Variants in LRRC9 observed in about 807,000 individuals in gnomAD.
The protein encoded by LRRC9 is leucine rich repeat containing 9.
Under a neutral mutation model 63.2 loss-of-function variants are expected in LRRC9, and 122 were observed. The ratio of observed to expected loss-of-function variants is 1.93; its 90% CI spans 1.67 to 2.24. The LOEUF is 2.24. Ranked by LOEUF, LRRC9 falls within the 30% of genes most tolerant of loss-of-function variation. The pLI is 0.00. For missense variants in LRRC9, 1,071 were observed against 627.7 expected, an observed-to-expected ratio of 1.71 and a Z score of -7.55; for synonymous variants, 366 against 213.1, an observed-to-expected ratio of 1.72 and a Z score of -6.25.
chr14:60,001,955 A>T lies in LRRC9; in HGVS notation c.2530-11A>T. 1.6e-6 allele frequency: 1 copy of T among 635,252 alleles called. No individual in the cohort carries two copies. The highest frequency in any genetic ancestry group is 2.8e-6 in the Non-Finnish European group (1 of 355,694). The allele number at this position is 635,252 out of a possible 1,614,324, so 39.4% of individuals were successfully genotyped here. On this transcript the variant is annotated splice_polypyrimidine_tract_variant and intron_variant, in intron 19 of 31. Transcript: ENST00000445360. Reference sequence around the variant, plus strand: ...TTTCCTTTTTTCACTGTATTTTTTAAATTTTATTAGTTATCTCTCTTACGG... The same window carrying T: ...TTTCCTTTTTTCACTGTATTTTTTATATTTTATTAGTTATCTCTCTTACGG...
chr14:60,049,941 G>A (rs1350362682), intron 29 of LRRC9, among the ~76,000 whole-genome samples: 1 of 152,060 alleles, frequency 6.6e-6, no homozygotes, highest in Admixed American at 6.6e-5. Context: ...TTTCTGGGAG[G>A]TTTTGTTCAT....
chr14:59,937,629 G>A (rs1180882139), intron 6 of LRRC9, among the ~76,000 whole-genome samples: 5 of 152,098 alleles, frequency 3.3e-5, no homozygotes, highest in Non-Finnish European at 5.9e-5. Context: ...GGTTCAATAT[G>A]GCTAAATCAT....
chr14:59,977,300 A>G (rs1047917910), exon 14 of LRRC9: 4 of 700,574 alleles, frequency 5.7e-6, no homozygotes, highest in Non-Finnish European at 1.0e-5. Context: ...AGTCAATCCA[A>G]CTATCCAATG....
intron 1 of LRRC9, among the ~76,000 whole-genome samples, chr14:59,924,296 A>G (rs1889022604): frequency 6.6e-6 from 1 of 152,168 alleles, no homozygotes; most frequent in African/African-American, 2.4e-5. Context: ...TGCACTATTC[A>G]AATAAACCTG....
At position 59,990,723 on chromosome 14, in the gene LRRC9, A is replaced by G. The variant is rs1053873696; in HGVS notation, c.2211+5499A>G. Among the ~76,000 whole-genome samples, 2 of 152,236 alleles carry G rather than the reference A, an allele frequency of 1.3e-5. No individual in the cohort carries two copies. The highest frequency in any genetic ancestry group is 2.9e-5 in the Non-Finnish European group (2 of 68,006). ...GTACCAGGCCCCTTCAGACCTTTTT[A>G]CTGTGGATCCCATGAACTCATCTGG... On this transcript the variant is annotated intron_variant, in intron 17 of 31. Coordinates refer to ENST00000445360, the Ensembl canonical transcript of LRRC9. The surrounding 1 kb of genome is among the most constrained non-coding windows in gnomAD (Gnocchi z 4.2).
chr14:59,936,082 A>G lies in LRRC9; in HGVS notation c.544-2308A>G, dbSNP rs1890114760. On this transcript the variant is annotated intron_variant, in intron 6 of 31. Coordinates refer to ENST00000445360, the Ensembl canonical transcript of LRRC9. This position sits in a 1 kb window ranked among gnomAD's most constrained non-coding sequence, Gnocchi z 4.2. Reference sequence around the variant, plus strand: ...TGGAACATGAAGTTTTGGTGAAATAACAATGTAAAGTACCTAAATAGTGAC... The same window carrying G: ...TGGAACATGAAGTTTTGGTGAAATAGCAATGTAAAGTACCTAAATAGTGAC... Among the ~76,000 whole-genome samples, 1 of 152,188 alleles carries G rather than the reference A, an allele frequency of 6.6e-6. No homozygotes were observed.
intron 29 of LRRC9, among the ~76,000 whole-genome samples, chr14:60,034,241 T>C (rs1892243203): frequency 6.6e-6 from 1 of 151,774 alleles, no homozygotes; most frequent in African/African-American, 2.4e-5. Flanking sequence ...ATGGTCTTAA[T>C]CTCCTGACCT....
chr14:60,008,122 T>C (rs773577282), exon 23 of LRRC9: 232 of 701,482 alleles, frequency 3.3e-4, no homozygotes, highest in Non-Finnish European at 5.2e-4. Context: ...TCTAGACATG[T>C]GTGGGAACAT....
intron 10 of LRRC9, 26 bp downstream of exon 10, chr14:59,961,071 G>A: frequency 5.0e-6 from 3 of 599,676 alleles, no homozygotes; most frequent in Non-Finnish European, 9.0e-6. Context: ...ATTTAGTATA[G>A]CTTTAAAAAT....
chr14:60,000,733 A>G lies in LRRC9; in HGVS notation c.2530-1233A>G, dbSNP rs1301805069. Among the ~76,000 whole-genome samples, 3 of 152,156 alleles carry G rather than the reference A, an allele frequency of 2.0e-5. No homozygotes were observed. In the East Asian group the frequency reaches 5.8e-4, roughly 29 times the overall value. Reference sequence around the variant, plus strand: ...TTGTGAATAATTTAGTAGGCAAGAAACAAAGAGCATAAACCATAAATAATT... The same window carrying G: ...TTGTGAATAATTTAGTAGGCAAGAAGCAAAGAGCATAAACCATAAATAATT... On this transcript the variant is annotated intron_variant, in intron 19 of 31. Transcript: ENST00000445360.
At chr14:59,924,887 C>A (rs1889075897) in intron 1 of LRRC9, among the ~76,000 whole-genome samples, 1 of 151,796 alleles carries the variant, frequency 6.6e-6, no homozygotes. Flanking sequence ...CTCTCACTGC[C>A]CCCCATCCCA....
In LRRC9 at chr14:59,995,375, T is replaced by TG. The variant is rs544244651; in HGVS notation, c.2212-2281_2212-2280insG. 7.1e-3 allele frequency among the ~76,000 whole-genome samples: 1,083 copies of TG among 152,328 alleles called. 9 individuals are homozygous for TG. The highest frequency in any genetic ancestry group is 0.024 in the African/African-American group (1,016 of 41,584). ...CCTCGATCTAGATAACAATTACAATTCTAATTTTTTATTGAAATAATACTG... is the reference window on the plus strand; with the variant it reads ...CCTCGATCTAGATAACAATTACAATTGCTAATTTTTTATTGAAATAATACTG... On this transcript the variant is annotated intron_variant, in intron 17 of 31. Transcript: ENST00000445360.
At chr14:60,022,916 T>C in intron 27 of LRRC9, 46 bp downstream of exon 27, 1 of 462,604 alleles carries the variant, frequency 2.2e-6, no homozygotes. Flanking sequence ...TTTTAAAAAC[T>C]GATTTTATCA....
At chr14:60,032,880 G>A (rs915695018) in intron 29 of LRRC9, among the ~76,000 whole-genome samples, 1 of 151,914 alleles carries the variant, frequency 6.6e-6, no homozygotes, top group African/African-American at 2.4e-5. Flanking sequence ...GAAGTGAAGG[G>A]GTTGAGAAAA....
At position 60,027,777 on chromosome 14, in the gene LRRC9, C is replaced by A. The variant is rs1891673748; in HGVS notation, c.3704-107C>A. 4 of 525,746 alleles carry A rather than the reference C, an allele frequency of 7.6e-6. No individual in the cohort carries two copies. The highest frequency in any genetic ancestry group is 1.0e-5 in the Non-Finnish European group (3 of 298,250). The allele number at this position is 525,746 out of a possible 1,614,324, so 32.6% of individuals were successfully genotyped here. A position where few individuals can be genotyped will look rare whatever the true frequency, so the allele number is the denominator to read the frequency against. On this transcript the variant is annotated intron_variant, in intron 27 of 31. Coordinates refer to ENST00000445360, the Ensembl canonical transcript of LRRC9. This position sits in a 1 kb window ranked among gnomAD's most constrained non-coding sequence, Gnocchi z 4.0. The stretch of plus-strand genomic sequence containing the variant: ...GGAAATAAGTTTCTTGAATCCTTTA[C>A]TTCTTTTGACAAATCATCTGATTAA...
intron 8 of LRRC9, 142 bp downstream of exon 8, chr14:59,944,886 A>G (rs1054035883): frequency 2.4e-6 from 1 of 411,136 alleles, no homozygotes; most frequent in Non-Finnish European, 4.3e-6. Flanking sequence ...ACACACACAC[A>G]TATGTAATTA....
chr14:60,005,766 G>A (rs1003447867), intron 21 of LRRC9, among the ~76,000 whole-genome samples: 9 of 151,966 alleles, frequency 5.9e-5, no homozygotes, highest in South Asian at 2.1e-4. Flanking sequence ...TTTATGTATC[G>A]CCACAAACCT....
intron 7 of LRRC9, among the ~76,000 whole-genome samples, chr14:59,940,161 TAGAC>T (rs935314313): frequency 1.3e-5 from 2 of 152,062 alleles, no homozygotes; most frequent in African/African-American, 4.8e-5. Flanking sequence ...AAGGAATTGT[TAGAC>T]AGTTTCTGAC....
At chr14:60,011,189 T>C (rs191801099) in intron 23 of LRRC9, among the ~76,000 whole-genome samples, 7 of 152,264 alleles carry the variant, frequency 4.6e-5, no homozygotes, top group Admixed American at 3.9e-4. Flanking sequence ...CTCACAATCA[T>C]GGCAGATGAA....
Sources: allele counts gnomAD v4.1 joint callset (sites outside exome capture counted in the v4.1 genomes callset), GRCh38; gene constraint gnomAD v4.1.1; non-coding constraint Gnocchi (gnomAD v3.1); transcripts MANE v1.5; gene names NCBI Gene and HGNC (gene_info 2026-07-23, HGNC 2026-07-21).